MARCHF4: variants seen among roughly 807,000 people sequenced by gnomAD.
MARCHF4 encodes the protein membrane associated ring-CH-type finger 4.
Under a neutral mutation model 43.9 loss-of-function variants are expected in MARCHF4, and 14 were observed. The observed-to-expected ratio is 0.32, with a 90% CI of 0.21 to 0.50. The LOEUF (loss-of-function observed/expected upper bound fraction) is 0.50, where lower values mean the gene tolerates loss of function less well. MARCHF4 is among the 20% of genes least tolerant of loss of function. The pLI is 0.98. For missense variants in MARCHF4, 468 were observed against 536.7 expected (o/e 0.87, Z 1.27); for synonymous variants, 226 against 213.3 (o/e 1.06, Z -0.52).
At chr2:216,268,343 C>A (rs929644729) in intron 3 of MARCHF4, among the ~76,000 whole-genome samples, 2 of 152,152 alleles carry the variant, frequency 1.3e-5, no homozygotes, top group African/African-American at 4.8e-5. Context: ...GTGTTCCCAC[C>A]CAAGTCTCAT....
chr2:216,370,350 GT>G lies in MARCHF4; in HGVS notation c.-91del. On this transcript the variant is annotated 5_prime_UTR_variant, in exon 1 of 4. Transcript: ENST00000273067. ...GGTTTTGGGGGTCCACAGTGGATCT[GT>G]GTTGTGGGGGGAGTCTGCTTTCTCA... 1.8e-6 allele frequency: 2 copies of G among 1,140,796 alleles called. No homozygotes were observed. The highest frequency in any genetic ancestry group is 2.4e-6 in the Non-Finnish European group (2 of 832,280). 70.7% of individuals were successfully genotyped at this position (1,140,796 alleles called of 1,614,324 possible).
chr2:216,350,710 C>T (rs1692393999), intron 1 of MARCHF4, among the ~76,000 whole-genome samples: 1 of 152,202 alleles, frequency 6.6e-6, no homozygotes, highest in Non-Finnish European at 1.5e-5. Context: ...CTCATGCAAT[C>T]TAAGCATGCC....
chr2:216,271,375 T>C, intron 3 of MARCHF4, among the ~76,000 whole-genome samples: 1 of 152,198 alleles, frequency 6.6e-6, no homozygotes, highest in East Asian at 1.9e-4. Flanking sequence ...AGCTCAAGGA[T>C]AGGGTTTCTT....
chr2:216,369,169 G>A (rs1015590754), intron 1 of MARCHF4, among the ~76,000 whole-genome samples: 3 of 152,046 alleles, frequency 2.0e-5, no homozygotes, highest in African/African-American at 7.2e-5. Flanking sequence ...TATAGTCTTG[G>A]ACCTAGAATC....
chr2:216,361,168 T>C (rs1427449217), intron 1 of MARCHF4, among the ~76,000 whole-genome samples: 1 of 152,236 alleles, frequency 6.6e-6, no homozygotes, highest in Non-Finnish European at 1.5e-5. Flanking sequence ...CCAAAGACTC[T>C]GAGTCTAATG....
At chr2:216,269,525 C>G (rs571681456) in intron 3 of MARCHF4, among the ~76,000 whole-genome samples, 1 of 152,322 alleles carries the variant, frequency 6.6e-6, no homozygotes, top group East Asian at 1.9e-4. Flanking sequence ...CGTGAGGACA[C>G]AGGTTCAGGC....
At chr2:216,362,711 C>G (rs1429496829) in intron 1 of MARCHF4, among the ~76,000 whole-genome samples, 3 of 152,162 alleles carry the variant, frequency 2.0e-5, no homozygotes, top group African/African-American at 7.2e-5. Flanking sequence ...TTGCATCTAC[C>G]TGGATTTCAA....
At chr2:216,275,767 G>A (rs1295820136) in intron 3 of MARCHF4, among the ~76,000 whole-genome samples, 1 of 152,214 alleles carries the variant, frequency 6.6e-6, no homozygotes, top group Non-Finnish European at 1.5e-5. Flanking sequence ...TTGATGTTGA[G>A]CTTACTGACT....
At chr2:216,277,959 A>C (rs565865263) in intron 2 of MARCHF4, 95 bp from the exon 3 acceptor site, 7 of 1,216,270 alleles carry the variant, frequency 5.8e-6, no homozygotes, top group Non-Finnish European at 7.9e-6. Flanking sequence ...CTCACCTCTG[A>C]TTTAGGATTT....
At position 216,316,121 on chromosome 2, in the gene MARCHF4, G is replaced by A. The variant is rs376636896; in HGVS notation, c.517-32392C>T. On this transcript the variant is annotated intron_variant, in intron 1 of 3. Coordinates refer to ENST00000273067, the MANE Select transcript of MARCHF4 (RefSeq NM_020814.3). ...GCTGCTCTGATTCATCGCCTGGTTG[G>A]AGGCCGAGTCACCACAGCTCAGACG... Among the ~76,000 whole-genome samples, 5 of 152,318 alleles carry A rather than the reference G, an allele frequency of 3.3e-5. No homozygotes were observed. The East Asian group carries it at 9.6e-4, about 29-fold the overall frequency.
intron 1 of MARCHF4, among the ~76,000 whole-genome samples, chr2:216,363,003 C>G (rs1399608860): frequency 2.6e-5 from 4 of 152,086 alleles, no homozygotes; most frequent in African/African-American, 9.7e-5. Context: ...TTAAGTGTCT[C>G]CTCTCCCTCC....
At chr2:216,307,041 C>T (rs1035959576) in intron 1 of MARCHF4, among the ~76,000 whole-genome samples, 1 of 152,126 alleles carries the variant, frequency 6.6e-6, no homozygotes. Flanking sequence ...AACAGACTGC[C>T]ACTGTGCTCC....
At chr2:216,359,396 C>A (rs1692545270) in intron 1 of MARCHF4, among the ~76,000 whole-genome samples, 1 of 152,186 alleles carries the variant, frequency 6.6e-6, no homozygotes, top group South Asian at 2.1e-4. Flanking sequence ...TTAGCCACTT[C>A]CTACTTAGTC....
At chr2:216,271,754 T>C (rs944956885) in intron 3 of MARCHF4, among the ~76,000 whole-genome samples, 1 of 152,104 alleles carries the variant, frequency 6.6e-6, no homozygotes, top group Non-Finnish European at 1.5e-5. Context: ...CAGGTGACTC[T>C]CTCATTTGAG....
chr2:216,280,786 T>C (rs984357000), intron 2 of MARCHF4, among the ~76,000 whole-genome samples: 12 of 152,212 alleles, frequency 7.9e-5, no homozygotes, highest in African/African-American at 2.7e-4. Flanking sequence ...TAGTGCCCAC[T>C]TCACTGGGTT....
intron 1 of MARCHF4, among the ~76,000 whole-genome samples, chr2:216,291,033 G>A (rs1187435415): frequency 6.6e-6 from 1 of 152,144 alleles, no homozygotes; most frequent in African/African-American, 2.4e-5. Context: ...GTCATTTGGT[G>A]TACAGATGGT....
rs1334377032 is a variant in MARCHF4, at chr2:216,263,561, A to AG, written c.866-3883_866-3882insC. Among the ~76,000 whole-genome samples the AG allele has an allele frequency of 8.6e-4, 130 of 150,896 alleles. 1 individual carries two copies. The highest frequency in any genetic ancestry group is 3.1e-3 in the African/African-American group (124 of 40,598). ...AGAAAGAGAGAGAGAGAAAGAAGAA[A>AG]AAGAAAGAAAGAAAGAGAAAGAAAG... is the stretch of plus-strand genomic sequence containing the variant. On this transcript the variant is annotated intron_variant, in intron 3 of 3. Transcript: ENST00000273067.
At chr2:216,351,408 G>A (rs1692403063) in intron 1 of MARCHF4, 1 of 152,516 alleles carries the variant, frequency 6.6e-6, no homozygotes, top group Admixed American at 6.5e-5. Context: ...AGCTTGGCTG[G>A]TCCAAGTGCA....
intron 2 of MARCHF4, 136 bp from the exon 3 acceptor site, chr2:216,278,000 G>A: frequency 1.4e-6 from 1 of 724,428 alleles, no homozygotes; most frequent in East Asian, 2.9e-5. Flanking sequence ...GTGGTACAAT[G>A]AGCATTTTGC....
Sources: allele counts gnomAD v4.1 joint callset (sites outside exome capture counted in the v4.1 genomes callset), GRCh38; gene constraint gnomAD v4.1.1; transcripts MANE v1.5; gene names NCBI Gene and HGNC (gene_info 2026-07-23, HGNC 2026-07-21).